Variants in KCNT2 observed in about 807,000 individuals in gnomAD.
The protein encoded by KCNT2 is potassium sodium-activated channel subfamily T member 2.
KCNT2 carries 67 observed loss-of-function variants against 153.8 expected under a neutral mutation model. The ratio of observed to expected loss-of-function variants is 0.44; its 90% CI spans 0.36 to 0.53. The LOEUF is 0.53. Among genes scored for constraint, KCNT2 ranks in the 20% least tolerant of loss-of-function variants. The pLI is 0.00. For synonymous variants in KCNT2, 500 were observed against 458.8 expected (o/e 1.09, Z -1.15); for missense variants, 975 against 1,354.8 (o/e 0.72, Z 4.40).
chr1:196,440,494 C>A (rs1236506756), intron 8 of KCNT2, among the ~76,000 whole-genome samples: 1 of 151,894 alleles, frequency 6.6e-6, no homozygotes, highest in Admixed American at 6.6e-5. Flanking sequence ...TTGGTTTATA[C>A]AGAATATTTC....
chr1:196,524,756 A>T lies in KCNT2; in HGVS notation c.96-32415T>A, dbSNP rs564551428. On this transcript the variant is annotated intron_variant, in intron 1 of 27. Transcript: ENST00000294725. ...TGTTATTAAATGTAATATTTGGGTT[A>T]TCTACCTATTGTAGTCCCAAGCTAT... Among the ~76,000 whole-genome samples the T allele has an allele frequency of 2.0e-5, 3 of 152,300 alleles. No homozygotes were observed. The East Asian group carries it at 5.8e-4, about 29-fold the overall frequency.
intron 8 of KCNT2, among the ~76,000 whole-genome samples, chr1:196,443,994 A>G (rs922969798): frequency 6.6e-6 from 1 of 151,524 alleles, no homozygotes; most frequent in Non-Finnish European, 1.5e-5. Flanking sequence ...AAAGAAAAAT[A>G]TAAGAAGAAA....
chr1:196,431,285 CA>C (rs1255384698), intron 8 of KCNT2, among the ~76,000 whole-genome samples: 2 of 152,012 alleles, frequency 1.3e-5, no homozygotes, highest in African/African-American at 4.8e-5. Flanking sequence ...GTTGCTATAA[CA>C]AATACCTAAA....
At chr1:196,317,790 T>G (rs1662872783) in intron 20 of KCNT2, among the ~76,000 whole-genome samples, 1 of 151,684 alleles carries the variant, frequency 6.6e-6, no homozygotes, top group South Asian at 2.1e-4. Context: ...CTGTTACCTA[T>G]ACCCACGTGT....
chr1:196,423,485 G>C (rs930919627), intron 11 of KCNT2, among the ~76,000 whole-genome samples: 1 of 151,692 alleles, frequency 6.6e-6, no homozygotes, highest in Non-Finnish European at 1.5e-5. Flanking sequence ...CAAACTAAGA[G>C]GGGTGGAATA....
At chr1:196,586,975 C>A (rs1290106290) in intron 1 of KCNT2, among the ~76,000 whole-genome samples, 3 of 151,980 alleles carry the variant, frequency 2.0e-5, no homozygotes, top group African/African-American at 7.2e-5. Context: ...TAATATCATT[C>A]AAATGGACTG....
chr1:196,243,794 C>T (rs1260013948), intron 26 of KCNT2, among the ~76,000 whole-genome samples: 1 of 152,074 alleles, frequency 6.6e-6, no homozygotes, highest in Non-Finnish European at 1.5e-5. Context: ...TTGGGGAAGT[C>T]CTGGAGCTGT....
intron 5 of KCNT2, among the ~76,000 whole-genome samples, chr1:196,478,042 A>G (rs1266572071): frequency 6.6e-6 from 1 of 152,220 alleles, no homozygotes; most frequent in East Asian, 1.9e-4. Context: ...TGTGGATCCC[A>G]ATATGACTTC....
chr1:196,355,392 G>A (rs1667090584), intron 14 of KCNT2, among the ~76,000 whole-genome samples: 1 of 151,662 alleles, frequency 6.6e-6, no homozygotes, highest in Non-Finnish European at 1.5e-5. Flanking sequence ...CCACCAGGTG[G>A]AACCGGAAAG....
At chr1:196,300,200 G>T (rs1199095351) in intron 22 of KCNT2, among the ~76,000 whole-genome samples, 3 of 152,202 alleles carry the variant, frequency 2.0e-5, no homozygotes, top group Non-Finnish European at 4.4e-5. Context: ...AAAGACAGGG[G>T]CTACAGAAGA....
At chr1:196,455,723 A>G (rs74580307) in intron 8 of KCNT2, among the ~76,000 whole-genome samples, 1 of 151,708 alleles carries the variant, frequency 6.6e-6, no homozygotes, top group Non-Finnish European at 1.5e-5. Context: ...GCCCTCTTAG[A>G]TGATTATTTT....
At chr1:196,422,992 A>T (rs1420880356) in intron 12 of KCNT2, 58 bp downstream of exon 12, 8 of 1,154,220 alleles carry the variant, frequency 6.9e-6, no homozygotes, top group Admixed American at 2.7e-5. Context: ...AACTCAAATT[A>T]AAAAAAATCT....
chr1:196,413,034 T>A (rs919789901), intron 12 of KCNT2, among the ~76,000 whole-genome samples: 2 of 151,660 alleles, frequency 1.3e-5, no homozygotes, highest in African/African-American at 4.8e-5. Flanking sequence ...GGATACAAAG[T>A]TAATATATTC....
chr1:196,604,592 G>C (rs1665109459), intron 1 of KCNT2, among the ~76,000 whole-genome samples: 1 of 152,280 alleles, frequency 6.6e-6, no homozygotes, highest in Admixed American at 6.5e-5. Flanking sequence ...CTGCACTGCT[G>C]TGTCTAACCC....
chr1:196,483,970 T>C (rs1356016316), intron 3 of KCNT2, among the ~76,000 whole-genome samples: 2 of 152,092 alleles, frequency 1.3e-5, no homozygotes, highest in East Asian at 1.9e-4. Flanking sequence ...AGTGTTTATA[T>C]TTTTATATTC....
At chr1:196,567,923 C>A (rs1660303635) in intron 1 of KCNT2, among the ~76,000 whole-genome samples, 1 of 152,152 alleles carries the variant, frequency 6.6e-6, no homozygotes, top group Non-Finnish European at 1.5e-5. Context: ...AATTTATGTG[C>A]TTGGGGTCTT....
intron 27 of KCNT2, among the ~76,000 whole-genome samples, chr1:196,228,675 A>G (rs1653683202): frequency 6.6e-6 from 1 of 152,070 alleles, no homozygotes; most frequent in African/African-American, 2.4e-5. Context: ...TCAAAGTTTT[A>G]TGATTAAGTA....
chr1:196,305,495 A>G, intron 21 of KCNT2, 150 bp from the exon 22 acceptor site: 1 of 519,366 alleles, frequency 1.9e-6, no homozygotes, highest in South Asian at 2.8e-5. Context: ...TCTTCTATAC[A>G]ATGCAGGAAA....
chr1:196,422,553 T>A (rs774782313), intron 12 of KCNT2, among the ~76,000 whole-genome samples: 1 of 152,018 alleles, frequency 6.6e-6, no homozygotes, highest in Non-Finnish European at 1.5e-5. Flanking sequence ...AAATATCATA[T>A]AAGCCAAAGG....
Sources: allele counts gnomAD v4.1 joint callset (sites outside exome capture counted in the v4.1 genomes callset), GRCh38; gene constraint gnomAD v4.1.1; transcripts MANE v1.5; gene names NCBI Gene and HGNC (gene_info 2026-07-23, HGNC 2026-07-21).